RTP4: variants seen among roughly 807,000 people sequenced by gnomAD.
RTP4 encodes the protein receptor transporter protein 4.
RTP4 carries 5 observed loss-of-function variants against 6.5 expected under a neutral mutation model. That is an observed-to-expected ratio of 0.77 (90% confidence interval 0.40 to 1.62). The LOEUF (loss-of-function observed/expected upper bound fraction) is 1.62, where lower values mean the gene tolerates loss of function less well. RTP4 is among the 40% of genes most tolerant of loss of function. The pLI, the probability that RTP4 is intolerant of heterozygous loss-of-function variation, is 0.02. For synonymous variants in RTP4, 112 were observed against 114.8 expected (o/e 0.98, Z 0.15); for missense variants, 266 against 288.7 (o/e 0.92, Z 0.57).
chr3:187,369,643 T>C (rs868258569), intron 1 of RTP4, among the ~76,000 whole-genome samples: 8 of 150,806 alleles, frequency 5.3e-5, no homozygotes, highest in Middle Eastern at 3.5e-3. Context: ...ATATGTACTA[T>C]GTATTTCAGA....
chr3:187,371,289 C>T lies in RTP4; in HGVS notation c.657C>T (p.Pro219=), dbSNP rs745702655. The change falls in exon 2 of 2, where the codon CCC becomes CCT. Residue 219 remains proline, a synonymous_variant. Transcript: ENST00000259030. ...GGAGTGGGTATGAGAAATTAGGGCCCAGTCGAGACCCAGATCCACTGAACA... is the reference window on the plus strand; with the variant it reads ...GGAGTGGGTATGAGAAATTAGGGCCTAGTCGAGACCCAGATCCACTGAACA... ...AKGSGYEKLG[P]SRDPDPLNIC... 6.2e-7 allele frequency: 1 copy of T among 1,607,420 alleles called. No individual in the cohort carries two copies. Among genetic ancestry groups the T allele is most frequent in the South Asian group, 1.1e-5 (1 of 91,074 alleles).
At chr3:187,368,813 C>G (rs1194755928) in intron 1 of RTP4, among the ~76,000 whole-genome samples, 1 of 152,072 alleles carries the variant, frequency 6.6e-6, no homozygotes, top group African/African-American at 2.4e-5. Flanking sequence ...CTAGGTTTCC[C>G]TCCGTAAATA....
intron 1 of RTP4, 62 bp from the exon 2 acceptor site, chr3:187,370,726 C>A: frequency 1.6e-6 from 2 of 1,254,570 alleles, no homozygotes; most frequent in Non-Finnish European, 1.1e-6. Flanking sequence ...GGGGCCAAGA[C>A]CATTTTCCCT....
At position 187,370,919 on chromosome 3, in the gene RTP4, G is replaced by A. The variant is rs201721015; in HGVS notation, c.287G>A (p.Cys96Tyr). Reference sequence around the variant, plus strand: ...CTCTTTGGCCAAAGGTGCCAGAAGTGCTCCTGGTCCCAATATGAGATGCCT... The same window carrying A: ...CTCTTTGGCCAAAGGTGCCAGAAGTACTCCTGGTCCCAATATGAGATGCCT... ...MRLFGQRCQK[C>Y]SWSQYEMPEF... is the part of the protein sequence containing the mutation. The change falls in exon 2 of 2, where the codon TGC becomes TAC. Residue 96 changes from cysteine (C) to tyrosine (Y), a missense_variant. Transcript: ENST00000259030. 3.2e-4 allele frequency: 524 copies of A among 1,614,096 alleles called. No homozygotes were observed. The highest frequency in any genetic ancestry group is 4.4e-4 in the Non-Finnish European group (514 of 1,180,050).
Position 187,368,688 on chromosome 3 carries a change from G to A in RTP4, c.155+92G>A. On this transcript the variant is annotated intron_variant, in intron 1 of 1. Coordinates refer to ENST00000259030, the MANE Select transcript of RTP4 (RefSeq NM_022147.3). ...TTATTCCTCTGAGAGCTTGTTGAAGGAGTAAATGTCACCAGGGCCTCCATC... is the reference window on the plus strand; with the variant it reads ...TTATTCCTCTGAGAGCTTGTTGAAGAAGTAAATGTCACCAGGGCCTCCATC... The A allele has an allele frequency of 2.4e-6, 3 of 1,264,100 alleles. No individual in the cohort carries two copies. The African/African-American group carries it at 4.5e-5, about 19-fold the overall frequency. 78.3% of individuals were successfully genotyped at this position (1,264,100 alleles called of 1,614,324 possible). A position where few individuals can be genotyped will look rare whatever the true frequency, so the allele number is the denominator to read the frequency against.
In RTP4 at chr3:187,368,518, C is replaced by T. The variant is rs966530152; in HGVS notation, c.77C>T (p.Thr26Met). The change falls in exon 1 of 2, where the codon ACG (threonine) becomes ATG (methionine). Residue 26 changes from threonine (T) to methionine (M), a missense_variant. Transcript: ENST00000259030. ...IQEAKPRATW[T>M]LKLDGNLQLD... ...GAGGCAAAACCCCGGGCCACATGGACGCTGAAGTTGGATGGCAACCTTCAG... is the reference window on the plus strand; with the variant it reads ...GAGGCAAAACCCCGGGCCACATGGATGCTGAAGTTGGATGGCAACCTTCAG... The T allele has an allele frequency of 8.1e-6, 13 of 1,613,994 alleles. No homozygotes were observed. The highest frequency in any genetic ancestry group is 3.3e-4 in the Middle Eastern group (2 of 6,084).
intron 1 of RTP4, among the ~76,000 whole-genome samples, chr3:187,370,129 T>C (rs759305779): frequency 2.0e-5 from 3 of 152,144 alleles, no homozygotes; most frequent in Non-Finnish European, 2.9e-5. Context: ...ATGAGGGTTA[T>C]AGAAGGGAAG....
Position 187,368,416 on chromosome 3 carries a change from T to A in RTP4, c.-26T>A, listed in dbSNP as rs780930780. 6.3e-7 allele frequency: 1 copy of A among 1,589,276 alleles called. No homozygotes were observed. Among genetic ancestry groups the A allele is most frequent in the Non-Finnish European group, 8.6e-7 (1 of 1,168,390 alleles). On this transcript the variant is annotated 5_prime_UTR_variant, in exon 1 of 2. Coordinates refer to ENST00000259030, the MANE Select transcript of RTP4 (RefSeq NM_022147.3). ...CTGAGAAACGAGCAAACCTGAAAGC[T>A]ACTCTCTCAGCTTCAGAGGGAAAAA... is the stretch of plus-strand genomic sequence containing the variant.
intron 1 of RTP4, 80 bp from the exon 2 acceptor site, chr3:187,370,708 T>C: frequency 2.2e-6 from 2 of 912,268 alleles, no homozygotes; most frequent in Non-Finnish European, 3.4e-6. Context: ...AAAAGGATGT[T>C]AGTGACAGGG....
chr3:187,369,940 T>C (rs181338782), intron 1 of RTP4, among the ~76,000 whole-genome samples: 109 of 152,356 alleles, frequency 7.2e-4, no homozygotes, highest in Middle Eastern at 6.8e-3. Context: ...TTTCTCCTGT[T>C]GGGATGATTT....
intron 1 of RTP4, among the ~76,000 whole-genome samples, chr3:187,368,837 C>T (rs936125140): frequency 1.3e-5 from 2 of 152,072 alleles, no homozygotes; most frequent in African/African-American, 4.8e-5. Context: ...CTGGAAAACC[C>T]TGGAGAAGGC....
rs1463293901 is a variant in RTP4, at chr3:187,368,682, T to C, written c.155+86T>C. ...CATGATTTATTCCTCTGAGAGCTTG[T>C]TGAAGGAGTAAATGTCACCAGGGCC... On this transcript the variant is annotated intron_variant, in intron 1 of 1. Coordinates refer to ENST00000259030, the MANE Select transcript of RTP4 (RefSeq NM_022147.3). The C allele has an allele frequency of 2.3e-6, 3 of 1,324,938 alleles. No homozygotes were observed. The African/African-American group carries it at 4.4e-5, about 20-fold the overall frequency. 82.1% of individuals were successfully genotyped at this position (1,324,938 alleles called of 1,614,324 possible). A position where few individuals can be genotyped will look rare whatever the true frequency, so the allele number is the denominator to read the frequency against.
At chr3:187,368,722 G>A in intron 1 of RTP4, 126 bp downstream of exon 1, 2 of 826,424 alleles carry the variant, frequency 2.4e-6, no homozygotes, top group Non-Finnish European at 3.6e-6. Flanking sequence ...TCCTATTGTG[G>A]TCATAGTACT....
chr3:187,368,437 A>C lies in RTP4; in HGVS notation c.-5A>C, dbSNP rs1251233407. ...AAGCTACTCTCTCAGCTTCAGAGGGAAAAAATGGTTGTAGATTTCTGGACT... is the reference window on the plus strand; with the variant it reads ...AAGCTACTCTCTCAGCTTCAGAGGGCAAAAATGGTTGTAGATTTCTGGACT... On this transcript the variant is annotated 5_prime_UTR_variant, in exon 1 of 2. Coordinates refer to ENST00000259030, the MANE Select transcript of RTP4 (RefSeq NM_022147.3). 1.9e-6 allele frequency: 3 copies of C among 1,606,872 alleles called. No individual in the cohort carries two copies. In the African/African-American group the frequency reaches 4.0e-5, roughly 22 times the overall value.
chr3:187,368,473 C>T lies in RTP4; in HGVS notation c.32C>T (p.Thr11Ile), dbSNP rs1348117915. ...GTAGATTTCTGGACTTGGGAGCAGA[C>T]ATTTCAAGAACTAATCCAAGAGGCA... MVVDFWTWEQ[T>I]FQELIQEAKP... The change falls in exon 1 of 2, where the codon ACA (threonine) becomes ATA (isoleucine). Residue 11 changes from threonine (T) to isoleucine (I), a missense_variant. Transcript: ENST00000259030. 9 of 1,613,540 alleles carry T rather than the reference C, an allele frequency of 5.6e-6. No individual in the cohort carries two copies. The highest frequency in any genetic ancestry group is 7.6e-6 in the Non-Finnish European group (9 of 1,179,828).
At position 187,371,074 on chromosome 3, in the gene RTP4, T is replaced by C; in HGVS notation, c.442T>C (p.Ser148Pro). 2 of 1,614,176 alleles carry C rather than the reference T, an allele frequency of 1.2e-6. No homozygotes were observed. Among genetic ancestry groups the C allele is most frequent in the Non-Finnish European group, 1.7e-6 (2 of 1,180,044 alleles). Residue 148 changes from serine (S) to proline (P), a missense_variant, in exon 2 of 2, where the codon TCC becomes CCC. Physicochemically the swap from Ser to Pro is moderately conservative, Grantham distance 74 (BLOSUM62 -1). Transcript: ENST00000259030. ...AATCCTGGAAGTGTCCCTGGAAGGA[T>C]CCCATGACACAGCCAATTGTGAGGC... Reference protein sequence around the residue: ...PVILEVSLEGSHDTANCEACT... With the variant: ...PVILEVSLEGPHDTANCEACT...
rs1711540176 is a variant in RTP4 at position 187,368,567 on chromosome 3, G to T, written c.126G>T (p.Trp42Cys). ...AGCTAGACTGCCTGGCTCAAGGGTG[G>T]AAGCAATACCAACAGAGAGCATTTG... ...NLQLDCLAQG[W>C]KQYQQRAFGW... The change falls in exon 1 of 2, where the codon TGG becomes TGT. Residue 42 changes from tryptophan (W) to cysteine (C), a missense_variant. Physicochemically the swap from Trp to Cys is radical, Grantham distance 215. Coordinates refer to ENST00000259030, the MANE Select transcript of RTP4 (RefSeq NM_022147.3). 2 of 1,613,850 alleles carry T rather than the reference G, an allele frequency of 1.2e-6. No individual in the cohort carries two copies. The highest frequency in any genetic ancestry group is 1.7e-6 in the Non-Finnish European group (2 of 1,179,934).
At chr3:187,370,091 T>C (rs372538292) in intron 1 of RTP4, among the ~76,000 whole-genome samples, 3 of 152,360 alleles carry the variant, frequency 2.0e-5, no homozygotes, top group Admixed American at 1.3e-4. Flanking sequence ...AATATAACCC[T>C]TGAATTTTTT....
At chr3:187,369,481 C>G (rs920390002) in intron 1 of RTP4, among the ~76,000 whole-genome samples, 3 of 152,050 alleles carry the variant, frequency 2.0e-5, no homozygotes, top group African/African-American at 4.8e-5. Flanking sequence ...GCTCATCCTT[C>G]AAGGCCCACT....
Sources: allele counts gnomAD v4.1 joint callset (sites outside exome capture counted in the v4.1 genomes callset), GRCh38; gene constraint gnomAD v4.1.1; transcripts MANE v1.5; gene names NCBI Gene and HGNC (gene_info 2026-07-23, HGNC 2026-07-21).